Variants in DOCK1 observed in about 807,000 individuals in gnomAD.
DOCK1 encodes the protein dedicator of cytokinesis protein 1.
A neutral mutation model predicts 262.7 loss-of-function variants in DOCK1; 138 were observed. That is an observed-to-expected ratio of 0.53 (90% CI 0.46 to 0.61). DOCK1 has a LOEUF of 0.61. Among genes scored for constraint, DOCK1 ranks in the 20% least tolerant of loss-of-function variants. DOCK1 has a pLI of 0.00. For synonymous variants in DOCK1, 866 were observed against 867.4 expected, an observed-to-expected ratio of 1.00 and a Z score of 0.03; for missense variants, 1,908 against 2,370.7, an observed-to-expected ratio of 0.80 and a Z score of 4.05.
chr10:127,070,990 G>T (rs2046196722), intron 23 of DOCK1, among the ~76,000 whole-genome samples: 1 of 152,048 alleles, frequency 6.6e-6, no homozygotes, highest in Admixed American at 6.5e-5. Flanking sequence ...CCTGCCCTCA[G>T]CTGTCTGACG....
rs1027198782 is a variant in DOCK1, at chr10:127,210,891, G to A, written c.2848-37117G>A. On this transcript the variant is annotated intron_variant, in intron 27 of 51. Coordinates refer to ENST00000623213, the MANE Select transcript of DOCK1 (RefSeq NM_001290223.2). ...TGTGACTGATTTCTGAATGTGACACGTGGCGTAATGACTTAAACGTATTAC... is the reference window on the plus strand; with the variant it reads ...TGTGACTGATTTCTGAATGTGACACATGGCGTAATGACTTAAACGTATTAC... Among the ~76,000 whole-genome samples, 7 of 152,210 alleles carry A rather than the reference G, an allele frequency of 4.6e-5. No individual in the cohort carries two copies. In the South Asian group the frequency reaches 1.0e-3, roughly 23 times the overall value.
rs1414376365 is a variant in DOCK1 at position 127,451,477 on chromosome 10, C to T, written c.*50C>T. On this transcript the variant is annotated 3_prime_UTR_variant, in exon 52 of 52. Transcript: ENST00000623213. ...TGTGCTGCCCCTCCCCATCTCCATG[C>T]CCTCTCCTTCTGTGTCCCCTGAGTC... 2 of 1,549,850 alleles carry T rather than the reference C, an allele frequency of 1.3e-6. No individual in the cohort carries two copies. The highest frequency in any genetic ancestry group is 3.9e-5 in the Admixed American group (2 of 51,022).
At chr10:127,369,707 A>T (rs114513375) in intron 33 of DOCK1, among the ~76,000 whole-genome samples, 29 of 152,280 alleles carry the variant, frequency 1.9e-4, no homozygotes, top group African/African-American at 7.0e-4. Context: ...CAGGCTCATG[A>T]GTGTTTCACA....
chr10:127,120,014 A>G (rs2049449195), intron 25 of DOCK1, among the ~76,000 whole-genome samples: 1 of 152,210 alleles, frequency 6.6e-6, no homozygotes, highest in Non-Finnish European at 1.5e-5. Context: ...GCTGTCTGTA[A>G]TCATTGTGGA....
At chr10:127,294,035 G>T (rs973502877) in intron 29 of DOCK1, among the ~76,000 whole-genome samples, 8 of 152,260 alleles carry the variant, frequency 5.3e-5, no homozygotes, top group Admixed American at 3.9e-4. Context: ...TATGCAGCTT[G>T]AGAAAGCCAG....
At chr10:126,991,196 C>T (rs1186082284) in intron 6 of DOCK1, among the ~76,000 whole-genome samples, 1 of 152,168 alleles carries the variant, frequency 6.6e-6, no homozygotes, top group African/African-American at 2.4e-5. Context: ...TGCATGAGTG[C>T]CTTTAGTGCT....
At chr10:127,254,171 G>A (rs10829651) in intron 28 of DOCK1, among the ~76,000 whole-genome samples, 1 of 151,874 alleles carries the variant, frequency 6.6e-6, no homozygotes, top group Non-Finnish European at 1.5e-5. Flanking sequence ...TCCTTTTCAC[G>A]CATTGCATTT....
At chr10:127,439,316 C>T (rs2275052) in intron 49 of DOCK1, 91 bp downstream of exon 49, 378,209 of 1,312,508 alleles carry the variant, frequency 0.29, 56,527 homozygotes, top group East Asian at 0.43. Flanking sequence ...ACGGTGGGCT[C>T]TTATTGAACT....
intron 47 of DOCK1, among the ~76,000 whole-genome samples, chr10:127,426,367 T>C (rs1349422275): frequency 6.6e-6 from 1 of 152,084 alleles, no homozygotes; most frequent in Non-Finnish European, 1.5e-5. Flanking sequence ...AGTCATACAA[T>C]ACACACAGAG....
chr10:126,995,636 G>A lies in DOCK1; in HGVS notation c.474-1112G>A, dbSNP rs181199053. On this transcript the variant is annotated intron_variant, in intron 6 of 51. Coordinates refer to ENST00000623213, the MANE Select transcript of DOCK1 (RefSeq NM_001290223.2). The surrounding 1 kb of genome is among the most constrained non-coding windows in gnomAD (Gnocchi z 5.8). ...GCATCAGAGGCAGACCGTGGAGAGA[G>A]AGGGAGAGGGAGACCGTGGAGAGGG... Among the ~76,000 whole-genome samples the A allele has an allele frequency of 1.3e-5, 2 of 151,902 alleles. No individual in the cohort carries two copies. Among genetic ancestry groups the A allele is most frequent in the East Asian group, 3.9e-4 (2 of 5,144 alleles).
intron 1 of DOCK1, among the ~76,000 whole-genome samples, chr10:126,969,659 G>A (rs966431045): frequency 6.6e-6 from 1 of 152,166 alleles, no homozygotes; most frequent in Non-Finnish European, 1.5e-5. Flanking sequence ...GCACCCAGTG[G>A]GAAGGCCCAG....
Position 127,339,732 on chromosome 10 carries a change from T to TGTGTGTGTGTGTGTGC in DOCK1, c.3123+651_3123+652insTGTGTGTGTGTGCGTG, listed in dbSNP as rs1243468884. Among the ~76,000 whole-genome samples, 16 of 40,336 alleles carry TGTGTGTGTGTGTGTGC rather than the reference T, an allele frequency of 4.0e-4. No homozygotes were observed. The East Asian group carries it at 0.013, about 34-fold the overall frequency. 26.5% of individuals were successfully genotyped at this position (40,336 alleles called of 152,430 possible). A position where few individuals can be genotyped will look rare whatever the true frequency, so the allele number is the denominator to read the frequency against. ...GTGTGTGTGTGTGTGTGTGTGTGTGTGTGCATGCTGTAAGGATTGATTTTG... is the reference window on the plus strand; with the variant it reads ...GTGTGTGTGTGTGTGTGTGTGTGTGTGTGTGTGTGTGTGTGCGTGCATGCTGTAAGGATTGATTTTG... On this transcript the variant is annotated intron_variant, in intron 30 of 51. Coordinates refer to ENST00000623213, the MANE Select transcript of DOCK1 (RefSeq NM_001290223.2).
chr10:127,234,702 G>GA (rs1469436549), intron 27 of DOCK1, among the ~76,000 whole-genome samples: 2 of 151,932 alleles, frequency 1.3e-5, no homozygotes, highest in African/African-American at 2.4e-5. Flanking sequence ...AGAAAAATGT[G>GA]AAAAACAAGG....
intron 10 of DOCK1, among the ~76,000 whole-genome samples, chr10:127,002,038 A>G (rs1196549189): frequency 6.6e-6 from 1 of 152,230 alleles, no homozygotes; most frequent in African/African-American, 2.4e-5. Context: ...CATGACTTGA[A>G]TACATACTTG....
intron 27 of DOCK1, among the ~76,000 whole-genome samples, chr10:127,236,908 A>G (rs2059088598): frequency 6.6e-6 from 1 of 152,202 alleles, no homozygotes; most frequent in South Asian, 2.1e-4. Context: ...ACAGATGAGG[A>G]AAACGAGGCT....
In DOCK1 at chr10:127,422,158, CTTTTTTTTTTTTTT is replaced by C. The variant is rs35535729; in HGVS notation, c.4776+2423_4776+2436del. Among the ~76,000 whole-genome samples the C allele has an allele frequency of 6.5e-5, 4 of 61,370 alleles. No homozygotes were observed. In the East Asian group the frequency reaches 1.9e-3, roughly 29 times the overall value. The allele number at this position is 61,370 out of a possible 152,430, so 40.3% of individuals were successfully genotyped here. A position where few individuals can be genotyped will look rare whatever the true frequency, so the allele number is the denominator to read the frequency against. On this transcript the variant is annotated intron_variant, in intron 46 of 51. Coordinates refer to ENST00000623213, the MANE Select transcript of DOCK1 (RefSeq NM_001290223.2). ...CAACAAGACTTGTTATTTTGTTTGT[CTTTTTTTTTTTTTT>C]TTTTTTTTTTTTTGAGATGGAGTCT...
intron 27 of DOCK1, among the ~76,000 whole-genome samples, chr10:127,232,913 T>G (rs180833256): frequency 3.1e-4 from 47 of 152,294 alleles, no homozygotes; most frequent in Admixed American, 3.1e-3. Flanking sequence ...TGTTAAGATC[T>G]CATCTAAGCA....
chr10:126,975,143 C>T (rs921016899), intron 2 of DOCK1, among the ~76,000 whole-genome samples: 8 of 152,102 alleles, frequency 5.3e-5, no homozygotes, highest in South Asian at 2.1e-4. Context: ...TATTTTCCCT[C>T]GTGCTCCATT....
intron 38 of DOCK1, among the ~76,000 whole-genome samples, chr10:127,393,932 G>A (rs911145312): frequency 2.0e-5 from 3 of 151,540 alleles, no homozygotes; most frequent in African/African-American, 4.9e-5. Context: ...CATTCTTGCC[G>A]CCCGCCTGAG....
Sources: gnomAD v4.1 joint callset for allele counts (sites outside exome capture counted in the v4.1 genomes callset) on GRCh38, gnomAD v4.1.1 for gene constraint, Gnocchi (gnomAD v3.1) non-coding constraint, MANE v1.5 for transcripts, NCBI Gene and HGNC (gene_info 2026-07-23, HGNC 2026-07-21) for gene names.